Variants in NAA35 observed in about 807,000 individuals in gnomAD.
The protein encoded by NAA35 is MAK10 homolog, amino-acid N-acetyltransferase subunit.
Under a neutral mutation model 101.7 loss-of-function variants are expected in NAA35, and 18 were observed. That is an observed-to-expected ratio of 0.18 (90% CI 0.12 to 0.26). The LOEUF (loss-of-function observed/expected upper bound fraction) is 0.26, where lower values mean the gene tolerates loss of function less well. Ranked by LOEUF, NAA35 falls within the 10% of genes least tolerant of loss-of-function variation. The pLI is 1.00. For missense variants in NAA35, 601 were observed against 886.8 expected, an observed-to-expected ratio of 0.68 and a Z score of 4.09; for synonymous variants, 267 against 273.1, an observed-to-expected ratio of 0.98 and a Z score of 0.22.
chr9:85,967,923 T>G (rs1829835343), intron 6 of NAA35, among the ~76,000 whole-genome samples: 1 of 152,210 alleles, frequency 6.6e-6, no homozygotes, highest in Non-Finnish European at 1.5e-5. Flanking sequence ...TTCTGATTTC[T>G]TTCTTAACAT....
intron 11 of NAA35, among the ~76,000 whole-genome samples, chr9:85,992,186 A>AG (rs397724095): frequency 3.4e-5 from 5 of 149,162 alleles, no homozygotes; most frequent in Non-Finnish European, 7.4e-5. Context: ...AAAAAAAAAA[A>AG]TAATAAAAAA....
chr9:86,009,821 G>T (rs1467381492), intron 14 of NAA35, 44 bp from the exon 15 acceptor site: 1 of 1,490,214 alleles, frequency 6.7e-7, no homozygotes, highest in African/African-American at 1.4e-5. Context: ...TGCTGCTTTT[G>T]TTTGGGCTGA....
chr9:86,012,552 CA>C lies in NAA35; in HGVS notation c.1291-491del, dbSNP rs532890248. Among the ~76,000 whole-genome samples the C allele has an allele frequency of 4.0e-3, 604 of 152,310 alleles. 5 individuals are homozygous for C. Among genetic ancestry groups the C allele is most frequent in the African/African-American group, 0.014 (571 of 41,564 alleles). Reference sequence around the variant, plus strand: ...TTGAGAATCTTCTAACTCAGACTTACAAATCCATGTCTCTTGCCTGGTTAGT... The same window carrying C: ...TTGAGAATCTTCTAACTCAGACTTACAATCCATGTCTCTTGCCTGGTTAGT... On this transcript the variant is annotated intron_variant, in intron 15 of 22. Transcript: ENST00000361671.
At chr9:85,941,888 T>C in intron 1 of NAA35, 1 of 1,161,748 alleles carries the variant, frequency 8.6e-7, no homozygotes, top group Non-Finnish European at 1.1e-6. Flanking sequence ...AGATGGTTTG[T>C]GATTTTTCTT....
intron 17 of NAA35, among the ~76,000 whole-genome samples, 192 bp from the exon 18 acceptor site, chr9:86,016,347 G>A (rs534237395): frequency 6.6e-6 from 1 of 152,264 alleles, no homozygotes; most frequent in South Asian, 2.1e-4. Flanking sequence ...AAATCTTCTG[G>A]AAAGTTGTAA....
chr9:86,019,120 A>G (rs1024444803), intron 21 of NAA35, among the ~76,000 whole-genome samples: 1 of 152,246 alleles, frequency 6.6e-6, no homozygotes, highest in Non-Finnish European at 1.5e-5. Flanking sequence ...GATCTGATTC[A>G]TAGCTCAAAA....
chr9:85,942,342 G>C, intron 2 of NAA35, 59 bp downstream of exon 2: 1 of 1,586,108 alleles, frequency 6.3e-7, no homozygotes. Context: ...TGACGATTGT[G>C]CTTTCTAAAC....
At chr9:86,019,054 G>A (rs1832387651) in intron 21 of NAA35, among the ~76,000 whole-genome samples, 1 of 152,174 alleles carries the variant, frequency 6.6e-6, no homozygotes, top group East Asian at 1.9e-4. Context: ...AGAAGTCAAT[G>A]CAAAGACAAA....
intron 6 of NAA35, among the ~76,000 whole-genome samples, chr9:85,970,755 G>A (rs1829966450): frequency 6.6e-6 from 1 of 152,156 alleles, no homozygotes; most frequent in Non-Finnish European, 1.5e-5. Context: ...AAGGACAGAG[G>A]AAATGCTCCA....
intron 2 of NAA35, among the ~76,000 whole-genome samples, chr9:85,950,872 C>T (rs923947550): frequency 6.6e-6 from 1 of 152,114 alleles, no homozygotes; most frequent in Non-Finnish European, 1.5e-5. Context: ...CACGGTGGCT[C>T]ACGCCTGTAA....
Position 85,976,589 on chromosome 9 carries a change from C to T in NAA35, c.628-96C>T. On this transcript the variant is annotated intron_variant, in intron 8 of 22. Transcript: ENST00000361671. ...CAACTATTTTCCCCAAAAACAGATTCTTGTGTATACTTAAAAAATCAGTGT... is the reference window on the plus strand; with the variant it reads ...CAACTATTTTCCCCAAAAACAGATTTTTGTGTATACTTAAAAAATCAGTGT... 4 of 866,256 alleles carry T rather than the reference C, an allele frequency of 4.6e-6. No individual in the cohort carries two copies. In the South Asian group the frequency reaches 6.1e-5, roughly 13 times the overall value. The allele number at this position is 866,256 out of a possible 1,614,324, so 53.7% of individuals were successfully genotyped here.
At position 86,013,971 on chromosome 9, in the gene NAA35, G is replaced by C. The variant is rs1249229098; in HGVS notation, c.1568+74G>C. ...ATCTGAGAATTCAGAGTTAATTTCA[G>C]GGTACTTTTTCATTTAGTATATTTT... On this transcript the variant is annotated intron_variant, in intron 17 of 22. Transcript: ENST00000361671. 3 of 1,216,258 alleles carry C rather than the reference G, an allele frequency of 2.5e-6. No homozygotes were observed. In the African/African-American group the frequency reaches 4.5e-5, roughly 18 times the overall value. The allele number at this position is 1,216,258 out of a possible 1,614,324, so 75.3% of individuals were successfully genotyped here. A position where few individuals can be genotyped will look rare whatever the true frequency, so the allele number is the denominator to read the frequency against.
chr9:85,993,145 T>G (rs539182066), intron 11 of NAA35, among the ~76,000 whole-genome samples: 36 of 152,280 alleles, frequency 2.4e-4, no homozygotes, highest in African/African-American at 8.7e-4. Flanking sequence ...ACAAATTGTC[T>G]GATTGTTTTG....
At chr9:85,983,802 CTTAA>C (rs1830536317) in intron 11 of NAA35, among the ~76,000 whole-genome samples, 1 of 151,632 alleles carries the variant, frequency 6.6e-6, no homozygotes, top group South Asian at 2.1e-4. Context: ...TATCCCAGAA[CTTAA>C]AATAGAAGAG....
At chr9:85,965,046 C>T (rs1243268141) in intron 6 of NAA35, among the ~76,000 whole-genome samples, 2 of 152,180 alleles carry the variant, frequency 1.3e-5, no homozygotes, top group East Asian at 1.9e-4. Context: ...ATTGATCAGT[C>T]AGCACTTGAC....
chr9:86,021,932 A>C lies in NAA35; in HGVS notation c.2150A>C (p.Lys717Thr), dbSNP rs1271702483. 1 of 1,613,672 alleles carries C rather than the reference A, an allele frequency of 6.2e-7. No individual in the cohort carries two copies. The highest frequency in any genetic ancestry group is 8.5e-7 in the Non-Finnish European group (1 of 1,179,836). Residue 717 changes from lysine (K) to threonine (T), a missense_variant, in exon 23 of 23, where the codon AAA (lysine) becomes ACA (threonine). Around this residue, in one of 8 missense-constraint regions of NAA35, gnomAD observed 21 missense variants for 51.4 expected, o/e 0.41. Transcript: ENST00000361671. ...VPPEFDFSAH[K>T]YFPVVKLV ...CCTGAATTTGATTTCTCTGCTCATA[A>C]ATATTTTCCTGTTGTGAAACTTGTT...
chr9:86,015,842 TAAGA>T, intron 17 of NAA35: 1 of 935,244 alleles, frequency 1.1e-6, no homozygotes, highest in Non-Finnish European at 1.3e-6. Context: ...TCACTTGAAT[TAAGA>T]TATATGAGTT....
intron 15 of NAA35, among the ~76,000 whole-genome samples, chr9:86,012,404 G>C (rs1476584155): frequency 6.6e-6 from 1 of 152,078 alleles, no homozygotes; most frequent in Non-Finnish European, 1.5e-5. Context: ...CACTGTGCCC[G>C]ACCCAACTTT....
intron 6 of NAA35, among the ~76,000 whole-genome samples, chr9:85,962,489 T>A (rs1418496053): frequency 1.2e-3 from 9 of 7,774 alleles, no homozygotes; most frequent in African/African-American, 3.4e-3. Flanking sequence ...AGACTCTGTC[T>A]CAAAAAAAAA....
Sources: allele counts gnomAD v4.1 joint callset (sites outside exome capture counted in the v4.1 genomes callset), GRCh38; gene constraint gnomAD v4.1.1; regional missense constraint gnomAD v4.1.1; transcripts MANE v1.5; gene names NCBI Gene and HGNC (gene_info 2026-07-23, HGNC 2026-07-21).